Variants in FGF12 observed in about 807,000 individuals in gnomAD.
FGF12 encodes the protein fibroblast growth factor 12.
FGF12 carries 14 observed loss-of-function variants against 23.6 expected under a neutral mutation model. The ratio of observed to expected loss-of-function variants is 0.59; its 90% CI spans 0.39 to 0.93. The LOEUF (loss-of-function observed/expected upper bound fraction) is 0.93, where lower values mean the gene tolerates loss of function less well. Ranked by LOEUF, FGF12 falls within the 40% of genes least tolerant of loss-of-function variation. FGF12 has a pLI of 0.00. For missense variants in FGF12, 175 were observed against 217.8 expected, an observed-to-expected ratio of 0.80 and a Z score of 1.24; for synonymous variants, 62 against 77.3, an observed-to-expected ratio of 0.80 and a Z score of 1.04.
intron 2 of FGF12, among the ~76,000 whole-genome samples, chr3:192,469,355 C>A (rs947506026): frequency 6.6e-6 from 1 of 152,178 alleles, no homozygotes; most frequent in African/African-American, 2.4e-5. Context: ...CATGTACACA[C>A]CTGTATTTCT....
intron 4 of FGF12, among the ~76,000 whole-genome samples, chr3:192,330,553 C>T (rs1392024900): frequency 6.6e-6 from 1 of 152,102 alleles, no homozygotes; most frequent in Non-Finnish European, 1.5e-5. Flanking sequence ...CCTTACACCA[C>T]ATGTAACATT....
rs141955493 is a variant in FGF12 at position 192,435,208 on chromosome 3, A to T, written c.14-74670T>A. 3.3e-5 allele frequency among the ~76,000 whole-genome samples: 5 copies of T among 152,308 alleles called. No homozygotes were observed. The East Asian group carries it at 9.6e-4, about 29-fold the overall frequency. On this transcript the variant is annotated intron_variant, in intron 2 of 5. Transcript: ENST00000445105. The stretch of plus-strand genomic sequence containing the variant: ...TTTAGAAGAACATTCCAGGCTGTGA[A>T]GTTGGGGGAATATTCTGGGTTTATC...
chr3:192,630,856 C>T (rs543760283), intron 2 of FGF12, among the ~76,000 whole-genome samples: 1 of 152,136 alleles, frequency 6.6e-6, no homozygotes, highest in African/African-American at 2.4e-5. Flanking sequence ...CCGCGCCCGG[C>T]CCACTTTTTT....
intron 2 of FGF12, among the ~76,000 whole-genome samples, chr3:192,392,287 G>A (rs1335126625): frequency 1.3e-5 from 2 of 152,026 alleles, no homozygotes; most frequent in African/African-American, 4.8e-5. Context: ...GCTGAACTAA[G>A]GCTGTGAGCA....
intron 2 of FGF12, among the ~76,000 whole-genome samples, chr3:192,373,865 T>C (rs924589477): frequency 6.6e-6 from 1 of 152,222 alleles, no homozygotes; most frequent in East Asian, 1.9e-4. Flanking sequence ...ATCAAAAGCC[T>C]ACTTCTCTCA....
intron 2 of FGF12, among the ~76,000 whole-genome samples, chr3:192,440,515 G>A (rs1007830922): frequency 6.6e-5 from 10 of 152,230 alleles, no homozygotes; most frequent in East Asian, 3.9e-4. Flanking sequence ...GGAATGTAGC[G>A]ATACTGCCAA....
intron 2 of FGF12, among the ~76,000 whole-genome samples, chr3:192,376,340 TTTTA>T (rs146551278): frequency 0.49 from 72,518 of 149,300 alleles, 18,586 homozygotes; most frequent in East Asian, 0.69. Context: ...ATTAATTTAA[TTTTA>T]TTTATTTATT....
intron 2 of FGF12, among the ~76,000 whole-genome samples, chr3:192,473,240 T>C (rs544836787): frequency 6.6e-6 from 1 of 152,314 alleles, no homozygotes; most frequent in Non-Finnish European, 1.5e-5. Flanking sequence ...ACCTCACCCC[T>C]CAAGCTGCAG....
At chr3:192,560,904 C>A (rs1369943069) in intron 2 of FGF12, among the ~76,000 whole-genome samples, 2 of 151,988 alleles carry the variant, frequency 1.3e-5, no homozygotes, top group African/African-American at 4.8e-5. Flanking sequence ...GCAAACAAAA[C>A]CTAGCAGAGT....
intron 2 of FGF12, chr3:192,515,063 T>C (rs755139750): frequency 6.4e-5 from 10 of 156,228 alleles, no homozygotes; most frequent in Non-Finnish European, 1.4e-4. Context: ...GCGGAGGACG[T>C]CACTGCGGGT....
intron 2 of FGF12, among the ~76,000 whole-genome samples, chr3:192,590,847 CA>C (rs1039822195): frequency 4.0e-5 from 6 of 151,786 alleles, no homozygotes; most frequent in African/African-American, 1.2e-4. Flanking sequence ...ATAAAACAAA[CA>C]AAAAAACAGC....
intron 2 of FGF12, among the ~76,000 whole-genome samples, chr3:192,499,450 A>G (rs1724055676): frequency 7.0e-6 from 1 of 143,382 alleles, no homozygotes; most frequent in African/African-American, 2.6e-5. Context: ...TTAATCTGCC[A>G]ACTAAAAGGG....
chr3:192,628,822 A>AAT (rs1285009634), intron 2 of FGF12, among the ~76,000 whole-genome samples: 2 of 150,718 alleles, frequency 1.3e-5, no homozygotes, highest in African/African-American at 2.4e-5. Context: ...CATAGATATT[A>AAT]ATATATATAC....
intron 4 of FGF12, among the ~76,000 whole-genome samples, chr3:192,292,160 G>A (rs1218457057): frequency 6.6e-6 from 1 of 152,120 alleles, no homozygotes. Context: ...TGTTCAGCGT[G>A]TTATAAGCGA....
chr3:192,554,344 C>T (rs891386241), intron 2 of FGF12, among the ~76,000 whole-genome samples: 4 of 152,100 alleles, frequency 2.6e-5, no homozygotes, highest in Non-Finnish European at 5.9e-5. Flanking sequence ...TGTGTCCCAA[C>T]ATTTACTAGA....
intron 2 of FGF12, among the ~76,000 whole-genome samples, chr3:192,520,978 C>T (rs1724799146): frequency 1.3e-5 from 2 of 152,162 alleles, no homozygotes; most frequent in African/African-American, 2.4e-5. Context: ...AACCAATACT[C>T]CTGTGAGAAA....
At chr3:192,400,385 T>TTC (rs1269961006) in intron 2 of FGF12, among the ~76,000 whole-genome samples, 1 of 151,026 alleles carries the variant, frequency 6.6e-6, no homozygotes, top group Admixed American at 6.6e-5. Flanking sequence ...TTTTTTTTTT[T>TTC]TGAGACTGAG....
intron 2 of FGF12, among the ~76,000 whole-genome samples, chr3:192,486,141 C>T (rs931299749): frequency 2.6e-5 from 4 of 152,040 alleles, no homozygotes; most frequent in Non-Finnish European, 5.9e-5. Context: ...AGGACATAAG[C>T]CTTTCAAGTC....
intron 4 of FGF12, chr3:192,282,894 A>G (rs1714231665): frequency 6.6e-6 from 1 of 152,158 alleles, no homozygotes; most frequent in Admixed American, 6.6e-5. Flanking sequence ...AGACATGTAG[A>G]GCTTAATTTC....
Sources: gnomAD v4.1 joint callset for allele counts (sites outside exome capture counted in the v4.1 genomes callset) on GRCh38, gnomAD v4.1.1 for gene constraint, MANE v1.5 for transcripts, NCBI Gene and HGNC (gene_info 2026-07-23, HGNC 2026-07-21) for gene names.